ACTA2: variants seen among roughly 807,000 people sequenced by gnomAD.
The protein encoded by ACTA2 is actin, aortic smooth muscle.
Under a neutral mutation model 39.5 loss-of-function variants are expected in ACTA2, and 12 were observed. The observed-to-expected ratio is 0.30, with a 90% CI of 0.19 to 0.49. The LOEUF (loss-of-function observed/expected upper bound fraction) is 0.49. Ranked by LOEUF, ACTA2 falls within the 20% of genes least tolerant of loss-of-function variation. ACTA2 has a pLI of 0.99. For synonymous variants in ACTA2, 158 were observed against 180.6 expected (o/e 0.88, Z 1.00); for missense variants, 236 against 498.8 (o/e 0.47, Z 5.02).
At chr10:88,983,489 G>C (rs1242329146) in intron 1 of ACTA2, among the ~76,000 whole-genome samples, 1 of 151,882 alleles carries the variant, frequency 6.6e-6, no homozygotes, top group Non-Finnish European at 1.5e-5. Context: ...GTTCACTTCT[G>C]TTACCTAGTA....
intron 8 of ACTA2, 131 bp from the exon 9 acceptor site, chr10:88,935,497 A>C: frequency 9.8e-7 from 1 of 1,024,550 alleles, no homozygotes; most frequent in Admixed American, 1.9e-5. Context: ...CTTGTCTGTT[A>C]GATGCCAATT....
chr10:88,943,229 T>C (rs1388984995), intron 4 of ACTA2, among the ~76,000 whole-genome samples: 3 of 152,230 alleles, frequency 2.0e-5, no homozygotes, highest in African/African-American at 7.2e-5. Flanking sequence ...GTGAGGTCTT[T>C]AGCTTCAAAC....
At chr10:88,966,931 G>T (rs1460347652) in intron 1 of ACTA2, among the ~76,000 whole-genome samples, 1 of 152,226 alleles carries the variant, frequency 6.6e-6, no homozygotes, top group African/African-American at 2.4e-5. Context: ...ACCATTAGGA[G>T]ATCCTGAGGC....
At chr10:88,972,648 A>G (rs189474323) in intron 1 of ACTA2, among the ~76,000 whole-genome samples, 2 of 152,134 alleles carry the variant, frequency 1.3e-5, no homozygotes, top group South Asian at 2.1e-4. Flanking sequence ...TACAATATAC[A>G]TCCTTAAATA....
rs1233514909 is a variant in ACTA2 at position 88,939,509 on chromosome 10, A to T, written c.806T>A (p.Ile269Asn). ...GGAAAAGGGCGTTTGTTGCCTACCG[A>T]TGAAGGATGGCTGGAACAGGGTCTC... Reference protein sequence around the residue: ...CPETLFQPSFIGMESAGIHET... With the variant: ...CPETLFQPSFNGMESAGIHET... The change falls in exon 7 of 9, where the codon ATC becomes AAC. Residue 269 changes from isoleucine to asparagine, a missense_variant and splice_region_variant. By Grantham distance (149) the Ile-to-Asn change is moderately radical. Transcript: ENST00000224784. 1 of 1,613,064 alleles carries T rather than the reference A, an allele frequency of 6.2e-7. No individual in the cohort carries two copies. The highest frequency in any genetic ancestry group is 8.5e-7 in the Non-Finnish European group (1 of 1,179,920).
In ACTA2 at chr10:88,950,325, T is replaced by G. The variant is rs116685437; in HGVS notation, c.-23-1372A>C. On this transcript the variant is annotated intron_variant, in intron 1 of 8. Coordinates refer to ENST00000224784, the MANE Select transcript of ACTA2 (RefSeq NM_001613.4). ...AGAAAATTTCTTCTTCTAAATGGGT[T>G]AACTGATTGCACCTCCAAATCCATA... Among the ~76,000 whole-genome samples, 1,106 of 152,308 alleles carry G rather than the reference T, an allele frequency of 7.3e-3. 19 individuals are homozygous for G. The highest frequency in any genetic ancestry group is 0.025 in the African/African-American group (1,030 of 41,558).
chr10:88,948,769 G>A, intron 2 of ACTA2, 33 bp downstream of exon 2: 1 of 1,613,104 alleles, frequency 6.2e-7, no homozygotes, highest in Non-Finnish European at 8.5e-7. Context: ...CCTAATCTGT[G>A]TCCTGTTATG....
In ACTA2 at chr10:88,938,091, C is replaced by T. The variant is rs752425336; in HGVS notation, c.960G>A (p.Thr320=). 1.5e-5 allele frequency: 24 copies of T among 1,613,980 alleles called. No homozygotes were observed. The highest frequency in any genetic ancestry group is 3.3e-5 in the South Asian group (3 of 91,086). ...TCTTCATGGTGCTGGGTGCTAGGGC[C>T]GTGATCTCCTTCTGCATTCGGTCGG... ...GIADRMQKEI[T]ALAPSTMKIK... Residue 320 remains threonine, a synonymous_variant, in exon 8 of 9, where the codon ACG becomes ACA. Coordinates refer to ENST00000224784, the MANE Select transcript of ACTA2 (RefSeq NM_001613.4).
At chr10:88,958,253 TG>T (rs1846169872) in intron 1 of ACTA2, among the ~76,000 whole-genome samples, 3 of 152,230 alleles carry the variant, frequency 2.0e-5, no homozygotes, top group Admixed American at 2.0e-4. Context: ...TTGATTGAAC[TG>T]AACTGAATAA....
Position 88,935,342 on chromosome 10 carries a change from A to AT in ACTA2, c.1014dup (p.Tyr339IlefsTer28). 1 of 1,613,916 alleles carries AT rather than the reference A, an allele frequency of 6.2e-7. No individual in the cohort carries two copies. Among genetic ancestry groups the AT allele is most frequent in the Non-Finnish European group, 8.5e-7 (1 of 1,179,824 alleles). ...ATGGAGCCACCGATCCAGACAGAGT[A>AT]TTTGCGCTCCGGAGGGGCAATGATC... is the stretch of plus-strand genomic sequence containing the variant. On this transcript the variant is annotated frameshift_variant, in exon 9 of 9. Coordinates refer to ENST00000224784, the MANE Select transcript of ACTA2 (RefSeq NM_001613.4). LOFTEE classifies it high-confidence loss of function.
chr10:88,986,654 G>T (rs565465588), intron 1 of ACTA2, among the ~76,000 whole-genome samples: 1 of 151,856 alleles, frequency 6.6e-6, no homozygotes, highest in African/African-American at 2.4e-5. Flanking sequence ...AGTACAGAAA[G>T]GAAGTAATAC....
intron 1 of ACTA2, among the ~76,000 whole-genome samples, chr10:88,968,312 A>G (rs575193462): frequency 1.3e-5 from 2 of 152,336 alleles, no homozygotes; most frequent in Admixed American, 1.3e-4. Context: ...TGTAGCCAGC[A>G]TATGTAATAC....
In ACTA2 at chr10:88,941,335, G is replaced by T. The variant is rs891270851; in HGVS notation, c.510C>A (p.Gly170=). 1 of 1,613,892 alleles carries T rather than the reference G, an allele frequency of 6.2e-7. No homozygotes were observed. Among genetic ancestry groups the T allele is most frequent in the Non-Finnish European group, 8.5e-7 (1 of 1,179,944 alleles). ...GCATGATGGCATGGGGCAAGGCATA[G>T]CCCTCATAGATGGGGACATTGTGGG... ...GVTHNVPIYE[G]YALPHAIMRL... Residue 170 remains glycine, a synonymous_variant, in exon 6 of 9, where the codon GGC becomes GGA. Transcript: ENST00000224784.
exon 1 of ACTA2, chr10:88,991,036 C>A: frequency 7.7e-7 from 1 of 1,297,982 alleles, no homozygotes; most frequent in Non-Finnish European, 1.1e-6. Flanking sequence ...GAGCGGCGGG[C>A]TGCTGCGGGA....
intron 1 of ACTA2, among the ~76,000 whole-genome samples, chr10:88,968,085 T>C (rs1029617842): frequency 1.3e-5 from 2 of 152,210 alleles, no homozygotes; most frequent in Non-Finnish European, 2.9e-5. Flanking sequence ...TTGACATTTC[T>C]GCAGAAGTAA....
intron 1 of ACTA2, among the ~76,000 whole-genome samples, chr10:88,960,722 C>A (rs1415066282): frequency 6.7e-6 from 1 of 149,202 alleles, no homozygotes; most frequent in South Asian, 2.1e-4. Context: ...CCATTATTGA[C>A]AACAATGACA....
chr10:88,987,378 G>C (rs1175137090), intron 1 of ACTA2, among the ~76,000 whole-genome samples: 1 of 152,204 alleles, frequency 6.6e-6, no homozygotes, highest in African/African-American at 2.4e-5. Context: ...AATTTGTAGA[G>C]TTGGGTAACT....
chr10:88,951,679 C>T (rs1265469208), intron 1 of ACTA2, among the ~76,000 whole-genome samples: 5 of 152,226 alleles, frequency 3.3e-5, no homozygotes, highest in Admixed American at 6.5e-5. Flanking sequence ...AGGTAAAACA[C>T]GCTCGAGTGT....
At chr10:88,948,579 C>A (rs1845994942) in intron 2 of ACTA2, 1 of 539,530 alleles carries the variant, frequency 1.9e-6, no homozygotes, top group Non-Finnish European at 3.3e-6. Flanking sequence ...ACAAAAAGGA[C>A]ATGAAAAAGG....
Sources: allele counts gnomAD v4.1 joint callset (sites outside exome capture counted in the v4.1 genomes callset), GRCh38; gene constraint gnomAD v4.1.1; transcripts MANE v1.5; gene names NCBI Gene and HGNC (gene_info 2026-07-23, HGNC 2026-07-21).